IGFBP5: variants seen among roughly 807,000 people sequenced by gnomAD.
IGFBP5 encodes insulin-like growth factor-binding protein 5.
Under a neutral mutation model 28.0 loss-of-function variants are expected in IGFBP5, and 12 were observed. That is an observed-to-expected ratio of 0.43 (90% CI 0.27 to 0.69). The LOEUF is 0.69. IGFBP5 is among the 30% of genes least tolerant of loss of function. The pLI is 0.20. For missense variants in IGFBP5, 344 were observed against 381.6 expected, an observed-to-expected ratio of 0.90 and a Z score of 0.82; for synonymous variants, 152 against 150.2, an observed-to-expected ratio of 1.01 and a Z score of -0.09.
In IGFBP5 at chr2:216,676,291, G is replaced by C. The variant is rs2106216227; in HGVS notation, c.*460C>G. 6.3e-6 allele frequency: 1 copy of C among 159,804 alleles called. No homozygotes were observed. The highest frequency in any genetic ancestry group is 1.9e-4 in the East Asian group (1 of 5,236). 9.9% of individuals were successfully genotyped at this position (159,804 alleles called of 1,614,324 possible). ...ATAGTGTCATTGATTGCCACATCCT[G>C]GGCTGCATCTTCTAGCGCCCACCTC... On this transcript the variant is annotated 3_prime_UTR_variant, in exon 4 of 4. Transcript: ENST00000233813.
chr2:216,676,950 C>G (rs1688908206), intron 3 of IGFBP5, 68 bp from the exon 4 acceptor site: 2 of 1,555,512 alleles, frequency 1.3e-6, no homozygotes, highest in Non-Finnish European at 8.8e-7. Flanking sequence ...CCCTGCCCTG[C>G]CTCTTGTCTA....
In IGFBP5 at chr2:216,692,953, T is replaced by C. The variant is rs1689118547; in HGVS notation, c.337+1486A>G. 6.6e-6 allele frequency among the ~76,000 whole-genome samples: 1 copy of C among 151,992 alleles called. No homozygotes were observed. The highest frequency in any genetic ancestry group is 1.5e-5 in the Non-Finnish European group (1 of 67,968). On this transcript the variant is annotated intron_variant, in intron 1 of 3. Transcript: ENST00000233813. The surrounding 1 kb of genome is among the most constrained non-coding windows in gnomAD (Gnocchi z 4.2). Reference sequence around the variant, plus strand: ...GCACTATAGTGACTGAAATTTGCACTTCAGAAAACTCATGTTAGGGTGCTC... The same window carrying C: ...GCACTATAGTGACTGAAATTTGCACCTCAGAAAACTCATGTTAGGGTGCTC...
At chr2:216,683,950 C>T (rs996568949) in intron 1 of IGFBP5, among the ~76,000 whole-genome samples, 3 of 152,164 alleles carry the variant, frequency 2.0e-5, no homozygotes, top group Non-Finnish European at 4.4e-5. Flanking sequence ...AAGGAGTTCC[C>T]CATACACCCC....
intron 1 of IGFBP5, among the ~76,000 whole-genome samples, chr2:216,691,490 C>T (rs1689094892): frequency 6.6e-6 from 1 of 152,184 alleles, no homozygotes; most frequent in Admixed American, 6.5e-5. Flanking sequence ...CAAATAACTC[C>T]CGTCTTTCAT....
At position 216,676,615 on chromosome 2, in the gene IGFBP5, G is replaced by A. The variant is rs929939788; in HGVS notation, c.*136C>T. 1.2e-5 allele frequency: 7 copies of A among 566,058 alleles called. No homozygotes were observed. The highest frequency in any genetic ancestry group is 1.8e-5 in the Non-Finnish European group (6 of 328,340). The allele number at this position is 566,058 out of a possible 1,614,324, so 35.1% of individuals were successfully genotyped here. Reference sequence around the variant, plus strand: ...CTTGCTAGAGATTCCGAGGTCCTCAGTTTCCTCAAATAGATAGATATATAT... The same window carrying A: ...CTTGCTAGAGATTCCGAGGTCCTCAATTTCCTCAAATAGATAGATATATAT... On this transcript the variant is annotated 3_prime_UTR_variant, in exon 4 of 4. Coordinates refer to ENST00000233813, the MANE Select transcript of IGFBP5 (RefSeq NM_000599.4).
In IGFBP5 at chr2:216,678,190, G is replaced by A. The variant is rs1273430627; in HGVS notation, c.609C>T (p.Leu203=). The change falls in exon 3 of 4, where the codon CTC becomes CTT. Residue 203 remains leucine, a synonymous_variant. Coordinates refer to ENST00000233813, the MANE Select transcript of IGFBP5 (RefSeq NM_000599.4). The part of the protein sequence containing the change: ...RRHMEASLQE[L]KASPRMVPRA... ...GGGGCACCATGCGTGGGCTGGCTTT[G>A]AGCTCCTGCAGGGAAGCCTCCATGT... 2 of 1,594,864 alleles carry A rather than the reference G, an allele frequency of 1.3e-6. No individual in the cohort carries two copies. The highest frequency in any genetic ancestry group is 2.7e-5 in the African/African-American group (2 of 74,490).
Position 216,679,143 on chromosome 2 carries a change from G to T in IGFBP5, c.338-64C>A. 1 of 1,388,286 alleles carries T rather than the reference G, an allele frequency of 7.2e-7. No individual in the cohort carries two copies. The highest frequency in any genetic ancestry group is 1.2e-5 in the South Asian group (1 of 85,860). 86.0% of individuals were successfully genotyped at this position (1,388,286 alleles called of 1,614,324 possible). On this transcript the variant is annotated intron_variant, in intron 1 of 3. Transcript: ENST00000233813. The surrounding 1 kb of genome is among the most constrained non-coding windows in gnomAD (Gnocchi z 4.6). ...CAAGGTGCACACGGCCAGAGCCCAG[G>T]GCTGGGCAGTTTGGGGTGAGGGGAG... is the stretch of plus-strand genomic sequence containing the variant.
At chr2:216,686,178 G>C (rs1337293929) in intron 1 of IGFBP5, among the ~76,000 whole-genome samples, 2 of 152,164 alleles carry the variant, frequency 1.3e-5, no homozygotes, top group Non-Finnish European at 2.9e-5. Context: ...GAAATAGCAT[G>C]GTTAGGTACT....
rs530004885 is a variant in IGFBP5, at chr2:216,692,242, G to A, written c.337+2197C>T. ...CGGCGGGGTGGAGTCGGAGAGGAGTGCTGGGGAGGGGGCGGGTAGAAGAGG... is the reference window on the plus strand; with the variant it reads ...CGGCGGGGTGGAGTCGGAGAGGAGTACTGGGGAGGGGGCGGGTAGAAGAGG... On this transcript the variant is annotated intron_variant, in intron 1 of 3. Transcript: ENST00000233813. The surrounding 1 kb of genome is among the most constrained non-coding windows in gnomAD (Gnocchi z 4.2). Among the ~76,000 whole-genome samples, 4 of 152,254 alleles carry A rather than the reference G, an allele frequency of 2.6e-5. No individual in the cohort carries two copies. In the South Asian group the frequency reaches 8.3e-4, roughly 32 times the overall value.
In IGFBP5 at chr2:216,692,362, CGTGTGTGTGTGT is replaced by C. The variant is rs59144401; in HGVS notation, c.337+2065_337+2076del. On this transcript the variant is annotated intron_variant, in intron 1 of 3. Transcript: ENST00000233813. The surrounding 1 kb of genome is among the most constrained non-coding windows in gnomAD (Gnocchi z 4.2). ...GGGATCTTGCTTGGGACTGAAGTGT[CGTGTGTGTGTGT>C]GTGTGTGTGTGTGTGTGTGTGTGTG... 1.4e-3 allele frequency among the ~76,000 whole-genome samples: 204 copies of C among 142,528 alleles called. 1 individual carries two copies. Among genetic ancestry groups the C allele is most frequent in the African/African-American group, 4.1e-3 (158 of 38,682 alleles). The allele number at this position is 142,528 out of a possible 152,430, so 93.5% of individuals were successfully genotyped here.
At chr2:216,685,641 A>G (rs1030774514) in intron 1 of IGFBP5, among the ~76,000 whole-genome samples, 1 of 152,220 alleles carries the variant, frequency 6.6e-6, no homozygotes, top group African/African-American at 2.4e-5. Flanking sequence ...CACTGTTTGA[A>G]AAAATGTAAG....
chr2:216,691,836 CGTGTGTGTGTGTGTGTGT>C (rs56040272), intron 1 of IGFBP5, among the ~76,000 whole-genome samples: 107 of 121,226 alleles, frequency 8.8e-4, no homozygotes, highest in African/African-American at 2.9e-3. Context: ...TATAATATGT[CGTGTGTGTGTGTGTGTGT>C]GTGTGTGTGT....
chr2:216,675,598 A>G lies in IGFBP5; in HGVS notation c.*1153T>C, dbSNP rs1224203483. On this transcript the variant is annotated 3_prime_UTR_variant, in exon 4 of 4. Transcript: ENST00000233813. ...ATTGCTCACGGGAAACTCTGCCTCG[A>G]GGCAGGCAAAAATGCTATTACGGGT... 1 of 152,152 alleles carries G rather than the reference A, an allele frequency of 6.6e-6. No homozygotes were observed. Among genetic ancestry groups the G allele is most frequent in the South Asian group, 2.1e-4 (1 of 4,824 alleles). The allele number at this position is 152,152 out of a possible 1,614,324, so 9.4% of individuals were successfully genotyped here. A position where few individuals can be genotyped will look rare whatever the true frequency, so the allele number is the denominator to read the frequency against.
At position 216,676,584 on chromosome 2, in the gene IGFBP5, T is replaced by A. The variant is rs1688901424; in HGVS notation, c.*167A>T. On this transcript the variant is annotated 3_prime_UTR_variant, in exon 4 of 4. Coordinates refer to ENST00000233813, the MANE Select transcript of IGFBP5 (RefSeq NM_000599.4). ...TCTCTGTTGTTGCCATTTTCGAAGT[T>A]GAGCCCTTGCTAGAGATTCCGAGGT... 2.1e-6 allele frequency: 1 copy of A among 485,058 alleles called. No individual in the cohort carries two copies. The highest frequency in any genetic ancestry group is 2.0e-5 in the African/African-American group (1 of 49,698). The allele number at this position is 485,058 out of a possible 1,614,324, so 30.0% of individuals were successfully genotyped here.
In IGFBP5 at chr2:216,672,345, C is replaced by G. The variant is rs538571548; in HGVS notation, c.*4406G>C. ...GGCTTTTTTTTTTTTTTCTCACAAA[C>G]TGGTTGCATTTGTTGATTTATTTTT... On this transcript the variant is annotated 3_prime_UTR_variant, in exon 4 of 4. Transcript: ENST00000233813. The G allele has an allele frequency of 1.5e-4, 12 of 80,936 alleles. No individual in the cohort carries two copies. The East Asian group carries it at 4.8e-3, about 32-fold the overall frequency. The allele number at this position is 80,936 out of a possible 1,614,324, so 5.0% of individuals were successfully genotyped here.
At chr2:216,690,479 G>A (rs1244724582) in intron 1 of IGFBP5, among the ~76,000 whole-genome samples, 1 of 124,074 alleles carries the variant, frequency 8.1e-6, no homozygotes, top group South Asian at 3.2e-4. Flanking sequence ...CTTTAGACAA[G>A]TATTACCTTC....
At position 216,678,878 on chromosome 2, in the gene IGFBP5, G is replaced by A. The variant is rs1688935989; in HGVS notation, c.539C>T (p.Ala180Val). The A allele has an allele frequency of 6.2e-7, 1 of 1,613,782 alleles. No individual in the cohort carries two copies. The highest frequency in any genetic ancestry group is 1.3e-5 in the African/African-American group (1 of 74,934). ...ENTAHPRIIS[A>V]PEMRQESEQG... ...CTCAGACTCCTGTCTCATCTCAGGT[G>A]CAGAGATGATCCGGGGGTGGGCAGT... The change falls in exon 2 of 4, where the codon GCA becomes GTA. Residue 180 changes from alanine to valine, a missense_variant. Physicochemically the swap from Ala to Val is moderately conservative, Grantham distance 64. This residue lies in a region of IGFBP5 where 304 missense variants were observed against 329.2 expected (regional missense o/e 0.92). Transcript: ENST00000233813.
intron 1 of IGFBP5, among the ~76,000 whole-genome samples, chr2:216,686,368 G>A (rs1399550392): frequency 2.0e-5 from 3 of 152,196 alleles, no homozygotes; most frequent in Non-Finnish European, 4.4e-5. Flanking sequence ...ACCTTCAGCT[G>A]TCCTTTCTGG....
Position 216,694,657 on chromosome 2 carries a change from G to T in IGFBP5, c.119C>A (p.Pro40His). ...CDEKALSMCP[P>H]SPLGCELVKE... ...GACCAGCTCGCAGCCCAGGGGGCTG[G>T]GGGGGCACATGGAGAGGGCTTTCTC... Residue 40 changes from proline (P) to histidine (H), a missense_variant, in exon 1 of 4, where the codon CCC (proline) becomes CAC (histidine). Around this residue, in one of 3 missense-constraint regions of IGFBP5, gnomAD observed 304 missense variants for 329.2 expected, o/e 0.92. Coordinates refer to ENST00000233813, the MANE Select transcript of IGFBP5 (RefSeq NM_000599.4). This position sits in a 1 kb window ranked among gnomAD's most constrained non-coding sequence, Gnocchi z 5.2. 1 of 1,528,868 alleles carries T rather than the reference G, an allele frequency of 6.5e-7. No individual in the cohort carries two copies. Among genetic ancestry groups the T allele is most frequent in the East Asian group, 2.4e-5 (1 of 40,824 alleles). The allele number at this position is 1,528,868 out of a possible 1,614,324, so 94.7% of individuals were successfully genotyped here. A position where few individuals can be genotyped will look rare whatever the true frequency, so the allele number is the denominator to read the frequency against.
Sources: gnomAD v4.1 joint callset for allele counts (sites outside exome capture counted in the v4.1 genomes callset) on GRCh38, gnomAD v4.1.1 for gene constraint, gnomAD v4.1.1 regional missense constraint, Gnocchi (gnomAD v3.1) non-coding constraint, MANE v1.5 for transcripts, NCBI Gene and HGNC (gene_info 2026-07-23, HGNC 2026-07-21) for gene names.